The following RABGAP1L variants were observed in gnomAD, a reference collection of about 807,000 sequenced individuals.
RABGAP1L encodes the protein rab GTPase-activating protein 1-like.
A neutral mutation model predicts 137.7 loss-of-function variants in RABGAP1L; 63 were observed. The ratio of observed to expected loss-of-function variants is 0.46; its 90% CI spans 0.37 to 0.56. The LOEUF is 0.56. Among genes scored for constraint, RABGAP1L ranks in the 20% least tolerant of loss-of-function variants. The pLI, the probability that RABGAP1L is intolerant of heterozygous loss-of-function variation, is 0.00. For synonymous variants in RABGAP1L, 431 were observed against 433.7 expected (o/e 0.99, Z 0.08); for missense variants, 1,095 against 1,244.0 (o/e 0.88, Z 1.80).
At chr1:174,739,200 C>T (rs866242041) in intron 17 of RABGAP1L, among the ~76,000 whole-genome samples, 11 of 152,148 alleles carry the variant, frequency 7.2e-5, no homozygotes, top group African/African-American at 7.2e-5. Flanking sequence ...ATCCATTTTA[C>T]GGTTTAAATA....
At chr1:174,896,013 G>A (rs538763608) in intron 19 of RABGAP1L, among the ~76,000 whole-genome samples, 25 of 152,270 alleles carry the variant, frequency 1.6e-4, no homozygotes, top group African/African-American at 5.8e-4. Context: ...TTGAGGAATC[G>A]CCTCATTGTC....
chr1:174,377,615 A>C (rs549549280), intron 12 of RABGAP1L, among the ~76,000 whole-genome samples: 2 of 152,190 alleles, frequency 1.3e-5, no homozygotes, highest in Non-Finnish European at 2.9e-5. Flanking sequence ...GCTCAATATC[A>C]TTAACCATCA....
chr1:174,523,310 C>T (rs1663588327), intron 13 of RABGAP1L, among the ~76,000 whole-genome samples: 1 of 151,082 alleles, frequency 6.6e-6, no homozygotes, highest in African/African-American at 2.4e-5. Flanking sequence ...AGCATACAGC[C>T]AAATATCATT....
intron 10 of RABGAP1L, among the ~76,000 whole-genome samples, chr1:174,304,699 AGAACC>A (rs1678032871): frequency 6.6e-6 from 1 of 152,190 alleles, no homozygotes; most frequent in Admixed American, 6.5e-5. Context: ...TGTCTGTCCT[AGAACC>A]TCTGGTGTCT....
At chr1:174,441,322 A>T (rs1357693149) in intron 13 of RABGAP1L, among the ~76,000 whole-genome samples, 2 of 152,202 alleles carry the variant, frequency 1.3e-5, no homozygotes, top group Non-Finnish European at 2.9e-5. Flanking sequence ...AGAATGCTTT[A>T]TATAGGAAAC....
In RABGAP1L at chr1:174,489,150, AT is replaced by A. The variant is rs377282408; in HGVS notation, c.1710+95006del. ...CTTCATGACTAAAACACCAAAAACA[AT>A]GGCAACAAAAGCCAAAATAGACAAA... On this transcript the variant is annotated intron_variant, in intron 13 of 25. Coordinates refer to ENST00000681986, the MANE Select transcript of RABGAP1L (RefSeq NM_001366446.1). Among the ~76,000 whole-genome samples the A allele has an allele frequency of 7.8e-4, 119 of 152,208 alleles. 5 individuals carry two copies. In the South Asian group the frequency reaches 0.024, roughly 31 times the overall value.
chr1:174,684,760 T>G (rs1419250704), intron 15 of RABGAP1L, among the ~76,000 whole-genome samples: 1 of 152,118 alleles, frequency 6.6e-6, no homozygotes, highest in Admixed American at 6.5e-5. Context: ...GAGGATCACT[T>G]GAGCCCAGGA....
At chr1:174,535,239 CTATT>C (rs1664806919) in intron 13 of RABGAP1L, among the ~76,000 whole-genome samples, 2 of 151,816 alleles carry the variant, frequency 1.3e-5, no homozygotes, top group Admixed American at 1.3e-4. Flanking sequence ...GAATTTGTCT[CTATT>C]TATTTTTTTA....
At position 174,284,734 on chromosome 1, in the gene RABGAP1L, C is replaced by CTTTTTTTT. The variant is rs59344382; in HGVS notation, c.1323+5974_1323+5981dup. On this transcript the variant is annotated intron_variant, in intron 10 of 25. Coordinates refer to ENST00000681986, the MANE Select transcript of RABGAP1L (RefSeq NM_001366446.1). ...CTCACCAACATTTGTTATTTCTTGT[C>CTTTTTTTT]TTTTTTTTTTTTTTTTTTTTTTTTT... Among the ~76,000 whole-genome samples, 138 of 42,608 alleles carry CTTTTTTTT rather than the reference C, an allele frequency of 3.2e-3. 3 individuals are homozygous for CTTTTTTTT. The highest frequency in any genetic ancestry group is 4.1e-3 in the Non-Finnish European group (91 of 21,990). The allele number at this position is 42,608 out of a possible 152,430, so 28.0% of individuals were successfully genotyped here.
At chr1:174,346,774 G>C (rs1007023381) in intron 11 of RABGAP1L, among the ~76,000 whole-genome samples, 4 of 151,228 alleles carry the variant, frequency 2.6e-5, no homozygotes, top group African/African-American at 9.7e-5. Context: ...TTTTAGGTTT[G>C]ATTTGTTCTT....
In RABGAP1L at chr1:174,438,673, A is replaced by G. The variant is rs7538973; in HGVS notation, c.1710+44528A>G. Among the ~76,000 whole-genome samples, 535 of 148,436 alleles carry G rather than the reference A, an allele frequency of 3.6e-3. 4 individuals carry two copies. The highest frequency in any genetic ancestry group is 0.011 in the African/African-American group (458 of 40,114). On this transcript the variant is annotated intron_variant, in intron 13 of 25. Transcript: ENST00000681986. ...GCGGAGTTTGCAGTGAGCCGAGATCACGCCACTGCACTCCAGCCTGGGAGA... is the reference window on the plus strand; with the variant it reads ...GCGGAGTTTGCAGTGAGCCGAGATCGCGCCACTGCACTCCAGCCTGGGAGA...
At chr1:174,348,320 A>G (rs1682646235) in intron 11 of RABGAP1L, among the ~76,000 whole-genome samples, 1 of 148,992 alleles carries the variant, frequency 6.7e-6, no homozygotes, top group African/African-American at 2.5e-5. Context: ...TTTCAATAGC[A>G]AAAACTGTGA....
intron 20 of RABGAP1L, among the ~76,000 whole-genome samples, chr1:174,963,910 C>T (rs932364316): frequency 1.3e-5 from 2 of 152,014 alleles, no homozygotes; most frequent in Non-Finnish European, 1.5e-5. Context: ...GTTTTTTAAG[C>T]GCTGAAAGAA....
chr1:174,589,813 T>C (rs1003414221), intron 13 of RABGAP1L, among the ~76,000 whole-genome samples: 1 of 152,152 alleles, frequency 6.6e-6, no homozygotes, highest in African/African-American at 2.4e-5. Flanking sequence ...GTTCCATTGG[T>C]CTATGTGTTT....
chr1:174,703,419 A>G (rs575568574), intron 17 of RABGAP1L, among the ~76,000 whole-genome samples: 1 of 151,534 alleles, frequency 6.6e-6, no homozygotes, highest in South Asian at 2.1e-4. Context: ...ACATGATTTT[A>G]CTCTTTTTTT....
rs367649373 is a variant in RABGAP1L, at chr1:174,337,153, A to G, written c.1465+32026A>G. ...GTTTCCATGGGTCAGAAGTCTGGAC[A>G]TGTCTTAGTTGAGTCCTCTGTTCAG... On this transcript the variant is annotated intron_variant, in intron 11 of 25. Transcript: ENST00000681986. Among the ~76,000 whole-genome samples, 33 of 152,112 alleles carry G rather than the reference A, an allele frequency of 2.2e-4. No homozygotes were observed. In the South Asian group the frequency reaches 6.9e-3, roughly 32 times the overall value.
At chr1:174,539,272 ATTTCT>A (rs976656954) in intron 13 of RABGAP1L, among the ~76,000 whole-genome samples, 3 of 151,058 alleles carry the variant, frequency 2.0e-5, no homozygotes, top group African/African-American at 7.3e-5. Context: ...TATTTTTTTC[ATTTCT>A]TTTTTTTCTT....
chr1:174,927,087 G>A (rs1052888516), intron 19 of RABGAP1L, among the ~76,000 whole-genome samples: 1 of 151,010 alleles, frequency 6.6e-6, no homozygotes, highest in Non-Finnish European at 1.5e-5. Context: ...AAAAAAAAAA[G>A]TGGGGGGGCC....
At position 174,676,898 on chromosome 1, in the gene RABGAP1L, T is replaced by G. The variant is rs552642200; in HGVS notation, c.1825-6624T>G. Among the ~76,000 whole-genome samples the G allele has an allele frequency of 4.6e-5, 7 of 152,308 alleles. No homozygotes were observed. In the South Asian group the frequency reaches 1.0e-3, roughly 23 times the overall value. On this transcript the variant is annotated intron_variant, in intron 14 of 25. Coordinates refer to ENST00000681986, the MANE Select transcript of RABGAP1L (RefSeq NM_001366446.1). ...GATACTGGATTCAAAAAATTTATGA[T>G]AGCTTAAACCCCAGGGATATCATTT... is the stretch of plus-strand genomic sequence containing the variant.
Sources: gnomAD v4.1 joint callset for allele counts (sites outside exome capture counted in the v4.1 genomes callset) on GRCh38, gnomAD v4.1.1 for gene constraint, MANE v1.5 for transcripts, NCBI Gene and HGNC (gene_info 2026-07-23, HGNC 2026-07-21) for gene names.